NF1: variants seen among roughly 807,000 people sequenced by gnomAD.
The protein encoded by NF1 is neurofibromin 1, also known as neurofibromin.
NF1 carries 122 observed loss-of-function variants against 325.7 expected under a neutral mutation model. That is an observed-to-expected ratio of 0.37 (90% CI 0.32 to 0.44). NF1 has a LOEUF of 0.44. Ranked by LOEUF, NF1 falls within the 20% of genes least tolerant of loss-of-function variation. The pLI, the probability that NF1 is intolerant of heterozygous loss-of-function variation, is 1.00. For missense variants in NF1, 2,140 were observed against 3,415.4 expected (o/e 0.63, Z 9.31); for synonymous variants, 1,091 against 1,186.0 (o/e 0.92, Z 1.65).
intron 1 of NF1, among the ~76,000 whole-genome samples, chr17:31,121,246 G>A (rs1914401341): frequency 6.6e-6 from 1 of 152,092 alleles, no homozygotes; most frequent in Non-Finnish European, 1.5e-5. Context: ...TGGTTAGAAG[G>A]GAATAGGAAT....
At chr17:31,172,526 C>T (rs962643731) in intron 5 of NF1, among the ~76,000 whole-genome samples, 5 of 152,106 alleles carry the variant, frequency 3.3e-5, no homozygotes, top group African/African-American at 7.2e-5. Context: ...CCGGGCCTTG[C>T]GCTATGCAGT....
intron 36 of NF1, among the ~76,000 whole-genome samples, chr17:31,302,367 G>A (rs1022245285): frequency 1.3e-4 from 20 of 152,050 alleles, no homozygotes; most frequent in South Asian, 6.2e-4. Flanking sequence ...AATGTGGAAC[G>A]AGCCCATTAA....
intron 13 of NF1, among the ~76,000 whole-genome samples, chr17:31,217,865 T>A (rs1221133178): frequency 6.9e-6 from 1 of 145,038 alleles, no homozygotes; most frequent in Non-Finnish European, 1.5e-5. Flanking sequence ...CTCGGGAGGC[T>A]GAGGCAGGAG....
rs906421108 is a variant in NF1 at position 31,231,056 on chromosome 17, T to C, written c.3197+131T>C. On this transcript the variant is annotated intron_variant, in intron 24 of 57. Transcript: ENST00000358273. The stretch of plus-strand genomic sequence containing the variant: ...ATGTCAAACTTTTGTGTTTGAAATA[T>C]GTAAAGATGCTAATCTTTATTACTG... 4 of 718,900 alleles carry C rather than the reference T, an allele frequency of 5.6e-6. No individual in the cohort carries two copies. The African/African-American group carries it at 7.1e-5, about 13-fold the overall frequency. The allele number at this position is 718,900 out of a possible 1,614,324, so 44.5% of individuals were successfully genotyped here. A position where few individuals can be genotyped will look rare whatever the true frequency, so the allele number is the denominator to read the frequency against.
At chr17:31,282,525 C>A (rs1366249456) in intron 36 of NF1, among the ~76,000 whole-genome samples, 1 of 152,140 alleles carries the variant, frequency 6.6e-6, no homozygotes, top group Admixed American at 6.5e-5. Flanking sequence ...CCTGCCCCCC[C>A]TCAGCCCCTG....
intron 24 of NF1, among the ~76,000 whole-genome samples, chr17:31,231,750 T>C (rs2067116293): frequency 6.6e-6 from 1 of 152,166 alleles, no homozygotes; most frequent in African/African-American, 2.4e-5. Context: ...CCAAATATTT[T>C]CAATCCATGG....
rs1349575030 is a variant in NF1 at position 31,235,997 on chromosome 17, T to C, written c.3950T>C (p.Val1317Ala). The change falls in exon 29 of 58, where the codon GTT (valine) becomes GCT (alanine). Residue 1317 changes from valine (V) to alanine (A), a missense_variant. Physicochemically the swap from Val to Ala is moderately conservative, Grantham distance 64. This residue lies in a region of NF1 where 336 missense variants were observed against 399.0 expected (regional missense o/e 0.84). Transcript: ENST00000358273. ...IVITSSDWQHVSFEVDPTRLE... is the reference protein window; with the variant it reads ...IVITSSDWQHASFEVDPTRLE... ...ATCACATCCTCTGATTGGCAACATG[T>C]TAGCTTTGAAGTGGATCCTACCAGG... The C allele has an allele frequency of 6.2e-7, 1 of 1,614,052 alleles. No homozygotes were observed. The highest frequency in any genetic ancestry group is 1.1e-5 in the South Asian group (1 of 91,080).
intron 49 of NF1, 36 bp from the exon 50 acceptor site, chr17:31,350,147 G>T (rs879149668): frequency 1.2e-6 from 2 of 1,613,324 alleles, no homozygotes; most frequent in Non-Finnish European, 1.7e-6. Context: ...CTTGTGATTT[G>T]TTAAATTTTT....
chr17:31,360,575 C>T lies in NF1; in HGVS notation c.8249C>T (p.Thr2750Ile), dbSNP rs2070374835. 1 of 1,614,046 alleles carries T rather than the reference C, an allele frequency of 6.2e-7. No homozygotes were observed. Among genetic ancestry groups the T allele is most frequent in the Non-Finnish European group, 8.5e-7 (1 of 1,179,972 alleles). Residue 2750 changes from threonine to isoleucine, a missense_variant, in exon 57 of 58, where the codon ACC (threonine) becomes ATC (isoleucine). By Grantham distance (89) the Thr-to-Ile change is moderately conservative (BLOSUM62 -1). Transcript: ENST00000358273. ...TACCTGCCTGGAATTGATGAAGAAA[C>T]CAGTGAAGAATCCCTCCTGACTCCC... ...DTYLPGIDEE[T>I]SEESLLTPTS...
intron 1 of NF1, among the ~76,000 whole-genome samples, chr17:31,116,833 A>G (rs1402546322): frequency 6.8e-6 from 1 of 147,282 alleles, no homozygotes; most frequent in Non-Finnish European, 1.5e-5. Flanking sequence ...ATGCCCAGCT[A>G]ATTTTTTTGT....
At chr17:31,373,205 C>G (rs1259681828) in intron 57 of NF1, among the ~76,000 whole-genome samples, 3 of 152,096 alleles carry the variant, frequency 2.0e-5, no homozygotes, top group Non-Finnish European at 4.4e-5. Context: ...TTGGGATAGG[C>G]ACTGTGATTA....
chr17:31,307,922 C>G, intron 36 of NF1: 6 of 1,289,104 alleles, frequency 4.7e-6, no homozygotes, highest in Non-Finnish European at 6.1e-6. Context: ...TCATTGCTTA[C>G]TCCTCTACCA....
intron 1 of NF1, among the ~76,000 whole-genome samples, chr17:31,154,732 CTTTT>C (rs71142026): frequency 1.2e-4 from 12 of 103,402 alleles, no homozygotes; most frequent in African/African-American, 2.2e-4. Context: ...TTAGTATTTC[CTTTT>C]TTTTTTTTTT....
At chr17:31,308,605 A>C (rs916920364) in intron 36 of NF1, among the ~76,000 whole-genome samples, 2 of 151,522 alleles carry the variant, frequency 1.3e-5, no homozygotes, top group Non-Finnish European at 2.9e-5. Flanking sequence ...AGACACTTCT[A>C]TGCTGTTTTT....
intron 36 of NF1, among the ~76,000 whole-genome samples, chr17:31,319,414 C>T (rs1269858806): frequency 6.6e-6 from 1 of 151,656 alleles, no homozygotes; most frequent in Admixed American, 6.6e-5. Flanking sequence ...ACAGAAACTA[C>T]CCACCCTCTA....
At chr17:31,232,920 C>A (rs2151435009) in intron 26 of NF1, 39 bp downstream of exon 26, 1 of 1,613,496 alleles carries the variant, frequency 6.2e-7, no homozygotes, top group Non-Finnish European at 8.5e-7. Flanking sequence ...AATACAAAAC[C>A]TAGAGAACTG....
intron 36 of NF1, chr17:31,305,173 A>G: frequency 6.2e-7 from 1 of 1,614,136 alleles, no homozygotes; most frequent in Non-Finnish European, 8.5e-7. Flanking sequence ...TTGTTGAGTA[A>G]AAGTATAGAC....
At chr17:31,214,118 T>C (rs2066777481) in intron 12 of NF1, among the ~76,000 whole-genome samples, 1 of 152,128 alleles carries the variant, frequency 6.6e-6, no homozygotes, top group South Asian at 2.1e-4. Flanking sequence ...GGCCAAATCT[T>C]TTTTCCCTTA....
At chr17:31,283,421 A>AAAC (rs1315583178) in intron 36 of NF1, among the ~76,000 whole-genome samples, 1 of 149,912 alleles carries the variant, frequency 6.7e-6, no homozygotes, top group African/African-American at 2.5e-5. Context: ...CATCTCAAAA[A>AAAC]AACAAACAAA....
Sources: gnomAD v4.1 joint callset for allele counts (sites outside exome capture counted in the v4.1 genomes callset) on GRCh38, gnomAD v4.1.1 for gene constraint, gnomAD v4.1.1 regional missense constraint, MANE v1.5 for transcripts, NCBI Gene and HGNC (gene_info 2026-07-23, HGNC 2026-07-21) for gene names.